RIMBP2: variants seen among roughly 807,000 people sequenced by gnomAD.
The protein encoded by RIMBP2 is RIMS binding protein 2.
Under a neutral mutation model 118.6 loss-of-function variants are expected in RIMBP2, and 48 were observed. The observed-to-expected ratio is 0.40, with a 90% confidence interval of 0.32 to 0.51. The LOEUF (loss-of-function observed/expected upper bound fraction) is 0.51. Ranked by LOEUF, RIMBP2 falls within the 20% of genes least tolerant of loss-of-function variation. RIMBP2 has a pLI of 0.41. For synonymous variants in RIMBP2, 762 were observed against 742.9 expected (o/e 1.03, Z -0.42); for missense variants, 1,551 against 1,768.3 (o/e 0.88, Z 2.20).
At chr12:130,561,576 T>G (rs73456706) in intron 2 of RIMBP2, among the ~76,000 whole-genome samples, 6,153 of 152,212 alleles carry the variant, frequency 0.04, 402 homozygotes, top group African/African-American at 0.14. Context: ...TCTTGCGTAA[T>G]CCGGTGTGAT....
Position 130,469,102 on chromosome 12 carries a change from G to C in RIMBP2, c.153+1591C>G, listed in dbSNP as rs1428793615. 1 of 152,568 alleles carries C rather than the reference G, an allele frequency of 6.6e-6. No individual in the cohort carries two copies. Among genetic ancestry groups the C allele is most frequent in the Non-Finnish European group, 1.5e-5 (1 of 68,062 alleles). 9.5% of individuals were successfully genotyped at this position (152,568 alleles called of 1,614,324 possible). A position where few individuals can be genotyped will look rare whatever the true frequency, so the allele number is the denominator to read the frequency against. Reference sequence around the variant, plus strand: ...ATGGCCGCGTCCACTCACGGGAAAAGCATCGCCAAGCACGCCGGGCAGGGA... The same window carrying C: ...ATGGCCGCGTCCACTCACGGGAAAACCATCGCCAAGCACGCCGGGCAGGGA... On this transcript the variant is annotated intron_variant, in intron 6 of 22. Transcript: ENST00000690449. This position sits in a 1 kb window ranked among gnomAD's most constrained non-coding sequence, Gnocchi z 4.8.
intron 1 of RIMBP2, among the ~76,000 whole-genome samples, chr12:130,652,687 G>A (rs139293486): frequency 8.8e-4 from 134 of 152,204 alleles, no homozygotes; most frequent in Middle Eastern, 6.8e-3. Flanking sequence ...CCTGAACCTG[G>A]GTGATTTATA....
chr12:130,467,711 C>G (rs1055208657), intron 6 of RIMBP2, among the ~76,000 whole-genome samples: 2 of 152,194 alleles, frequency 1.3e-5, no homozygotes, highest in Non-Finnish European at 2.9e-5. Context: ...CCAGAAGCCC[C>G]CGCTTCAAGT....
At chr12:130,600,459 C>T (rs1470114246) in intron 2 of RIMBP2, among the ~76,000 whole-genome samples, 1 of 152,044 alleles carries the variant, frequency 6.6e-6, no homozygotes, top group Non-Finnish European at 1.5e-5. Context: ...AACAGAACCT[C>T]CCCCGTCTGG....
At chr12:130,608,441 A>G (rs569973413) in intron 2 of RIMBP2, among the ~76,000 whole-genome samples, 5 of 152,356 alleles carry the variant, frequency 3.3e-5, no homozygotes, top group African/African-American at 1.2e-4. Context: ...AGAGACCTTC[A>G]GTCCAGGCTA....
Position 130,434,857 on chromosome 12 carries a change from T to C in RIMBP2, c.2130A>G (p.Leu710=), listed in dbSNP as rs745475889. ...SSRLEKRSVF[L]ERSSAGQYAA... is the part of the protein sequence containing the mutation. ...CGTACTGCCCCGCGCTGCTTCTCTC[T>C]AGGAAGACGCTCCTTTTCTCTAACT... The change falls in exon 14 of 23, where the codon CTA becomes CTG. Residue 710 remains leucine (L), a synonymous_variant. Coordinates refer to ENST00000690449, the MANE Select transcript of RIMBP2 (RefSeq NM_001393629.1). This position sits in a 1 kb window ranked among gnomAD's most constrained non-coding sequence, Gnocchi z 5.7. 8.1e-6 allele frequency: 13 copies of C among 1,609,262 alleles called. No individual in the cohort carries two copies. In the African/African-American group the frequency reaches 1.7e-4, roughly 22 times the overall value.
At chr12:130,640,916 C>G (rs2062587331) in intron 1 of RIMBP2, among the ~76,000 whole-genome samples, 1 of 152,204 alleles carries the variant, frequency 6.6e-6, no homozygotes, top group South Asian at 2.1e-4. Context: ...CCTTTGGAAA[C>G]ATTAAATTGA....
At chr12:130,646,149 GCCTCT>G (rs2062908158) in intron 1 of RIMBP2, among the ~76,000 whole-genome samples, 1 of 8,954 alleles carries the variant, frequency 1.1e-4, no homozygotes, top group African/African-American at 4.8e-4. Context: ...CTCACCACCT[GCCTCT>G]CCACCTCCCT....
At chr12:130,602,729 C>T (rs751838469) in intron 2 of RIMBP2, among the ~76,000 whole-genome samples, 4 of 152,206 alleles carry the variant, frequency 2.6e-5, no homozygotes, top group Admixed American at 2.0e-4. Context: ...AATTCGCCAA[C>T]GGTGGTTCTG....
In RIMBP2 at chr12:130,683,115, T is replaced by C. The variant is rs2064876134; in HGVS notation, c.-352+33107A>G. On this transcript the variant is annotated intron_variant, in intron 1 of 22. Coordinates refer to ENST00000690449, the MANE Select transcript of RIMBP2 (RefSeq NM_001393629.1). This position sits in a 1 kb window ranked among gnomAD's most constrained non-coding sequence, Gnocchi z 4.4. ...GGAAACAGGGTCTGTGCAGGTATAA[T>C]TAAGGTAAGGGTAGAGATGAGATCC... is the stretch of plus-strand genomic sequence containing the variant. 6.6e-6 allele frequency among the ~76,000 whole-genome samples: 1 copy of C among 152,030 alleles called. No homozygotes were observed. Among genetic ancestry groups the C allele is most frequent in the Non-Finnish European group, 1.5e-5 (1 of 68,014 alleles).
chr12:130,450,787 T>C lies in RIMBP2; in HGVS notation c.504+408A>G, dbSNP rs945159200. Among the ~76,000 whole-genome samples, 2 of 152,044 alleles carry C rather than the reference T, an allele frequency of 1.3e-5. No homozygotes were observed. The highest frequency in any genetic ancestry group is 2.9e-5 in the Non-Finnish European group (2 of 67,998). On this transcript the variant is annotated intron_variant, in intron 8 of 22. Transcript: ENST00000690449. This position sits in a 1 kb window ranked among gnomAD's most constrained non-coding sequence, Gnocchi z 4.8. ...AGACAAAAAGCCAAACGCTGTCCTCTGCCCCCGCCCCCTCTCCAGCCACAC... is the reference window on the plus strand; with the variant it reads ...AGACAAAAAGCCAAACGCTGTCCTCCGCCCCCGCCCCCTCTCCAGCCACAC...
chr12:130,477,011 A>C (rs59098327), intron 5 of RIMBP2, among the ~76,000 whole-genome samples: 13 of 152,284 alleles, frequency 8.5e-5, no homozygotes, highest in African/African-American at 3.1e-4. Context: ...CAAGAGTCAG[A>C]CTTCCTCTTC....
intron 1 of RIMBP2, among the ~76,000 whole-genome samples, chr12:130,671,985 A>C (rs2064220878): frequency 6.6e-6 from 1 of 152,208 alleles, no homozygotes; most frequent in Admixed American, 6.5e-5. Context: ...GTGGGCCAGC[A>C]TATTTGCGTA....
At chr12:130,589,093 T>C (rs1425375626) in intron 2 of RIMBP2, among the ~76,000 whole-genome samples, 1 of 152,154 alleles carries the variant, frequency 6.6e-6, no homozygotes. Context: ...AATTGAAAAA[T>C]CAATATTCAG....
In RIMBP2 at chr12:130,397,101, C is replaced by T. The variant is rs751827047; in HGVS notation, c.*260G>A. ...GCTACAGGTGATAGCTATGCGCCCC[C>T]GTTTGTTAATAAGACGTCCCCTCCC... On this transcript the variant is annotated 3_prime_UTR_variant, in exon 23 of 23. Transcript: ENST00000690449. 1.1e-5 allele frequency: 3 copies of T among 268,474 alleles called. No homozygotes were observed. Among genetic ancestry groups the T allele is most frequent in the African/African-American group, 2.2e-5 (1 of 45,812 alleles). The allele number at this position is 268,474 out of a possible 1,614,324, so 16.6% of individuals were successfully genotyped here. A position where few individuals can be genotyped will look rare whatever the true frequency, so the allele number is the denominator to read the frequency against.
In RIMBP2 at chr12:130,691,081, G is replaced by C. The variant is rs180725458; in HGVS notation, c.-352+25141C>G. On this transcript the variant is annotated intron_variant, in intron 1 of 22. Transcript: ENST00000690449. ...CCTCAGAGGTCAGTTCCTCAAAGGA[G>C]CTGCCAGCCCCGACTCAACAGGGCG... Among the ~76,000 whole-genome samples, 24 of 152,316 alleles carry C rather than the reference G, an allele frequency of 1.6e-4. No homozygotes were observed. The East Asian group carries it at 4.1e-3, about 26-fold the overall frequency.
chr12:130,468,120 T>C (rs2080668938), intron 6 of RIMBP2, among the ~76,000 whole-genome samples: 1 of 152,316 alleles, frequency 6.6e-6, no homozygotes, highest in East Asian at 1.9e-4. Flanking sequence ...AGGTGGTTCT[T>C]TGATGGGTGA....
chr12:130,630,884 T>A (rs1210215241), intron 1 of RIMBP2, among the ~76,000 whole-genome samples: 2 of 151,846 alleles, frequency 1.3e-5, no homozygotes, highest in Non-Finnish European at 2.9e-5. Context: ...CAAAGACTCA[T>A]AAAATGTACC....
At chr12:130,699,021 C>T (rs1180525530) in intron 1 of RIMBP2, among the ~76,000 whole-genome samples, 1 of 152,116 alleles carries the variant, frequency 6.6e-6, no homozygotes, top group African/African-American at 2.4e-5. Context: ...CAAATCAAAA[C>T]CACAATGAGA....
Sources: allele counts gnomAD v4.1 joint callset (sites outside exome capture counted in the v4.1 genomes callset), GRCh38; gene constraint gnomAD v4.1.1; non-coding constraint Gnocchi (gnomAD v3.1); transcripts MANE v1.5; gene names NCBI Gene and HGNC (gene_info 2026-07-23, HGNC 2026-07-21).